NOTCH1: variants seen among roughly 807,000 people sequenced by gnomAD.
The protein encoded by NOTCH1 is notch receptor 1.
A neutral mutation model predicts 254.8 loss-of-function variants in NOTCH1; 37 were observed. The observed-to-expected ratio is 0.15, with a 90% CI of 0.11 to 0.19. The LOEUF is 0.19. Among genes scored for constraint, NOTCH1 ranks in the 10% least tolerant of loss-of-function variants. NOTCH1 has a pLI of 1.00. For missense variants in NOTCH1, 2,972 were observed against 3,708.6 expected (o/e 0.80, Z 5.16); for synonymous variants, 1,731 against 1,618.1 (o/e 1.07, Z -1.68).
chr9:136,502,955 C>T (rs756395252), intron 27 of NOTCH1: 3 of 704,814 alleles, frequency 4.3e-6, no homozygotes, highest in Non-Finnish European at 7.7e-6. Flanking sequence ...CAGGCACCCA[C>T]TTTCCCGTGG....
At position 136,506,296 on chromosome 9, in the gene NOTCH1, C is replaced by T. The variant is rs999739698; in HGVS notation, c.4014+231G>A. On this transcript the variant is annotated intron_variant, in intron 24 of 33. Transcript: ENST00000651671. The surrounding 1 kb of genome is among the most constrained non-coding windows in gnomAD (Gnocchi z 4.5). Reference sequence around the variant, plus strand: ...TGCAAGCTGCTAACCAGGGGAACTGCGTGCAGGGGACAGCCACCCCAGGGA... The same window carrying T: ...TGCAAGCTGCTAACCAGGGGAACTGTGTGCAGGGGACAGCCACCCCAGGGA... 3.3e-5 allele frequency among the ~76,000 whole-genome samples: 5 copies of T among 151,944 alleles called. No homozygotes were observed. The highest frequency in any genetic ancestry group is 2.6e-4 in the Admixed American group (4 of 15,258).
At chr9:136,530,650 G>A (rs1020011681) in intron 2 of NOTCH1, among the ~76,000 whole-genome samples, 4 of 152,350 alleles carry the variant, frequency 2.6e-5, no homozygotes, top group African/African-American at 7.2e-5. Flanking sequence ...GCTCCACTGC[G>A]GGAATTTCCC....
chr9:136,512,783 C>A (rs1450195595), intron 15 of NOTCH1, among the ~76,000 whole-genome samples: 1 of 152,198 alleles, frequency 6.6e-6, no homozygotes, highest in Non-Finnish European at 1.5e-5. Flanking sequence ...TCTGCCAACC[C>A]CACCCCCGGG....
At position 136,506,412 on chromosome 9, in the gene NOTCH1, G is replaced by A. The variant is rs1357383993; in HGVS notation, c.4014+115C>T. ...AAAAAAAAAAAGACATCAGGGTGAG[G>A]AGGAGGATGAAGGCCGGGAGGATCA... On this transcript the variant is annotated intron_variant, in intron 24 of 33. Transcript: ENST00000651671. The surrounding 1 kb of genome is among the most constrained non-coding windows in gnomAD (Gnocchi z 4.5). The A allele has an allele frequency of 1.0e-5, 8 of 763,284 alleles. No homozygotes were observed. The East Asian group carries it at 1.9e-4, about 18-fold the overall frequency. 47.3% of individuals were successfully genotyped at this position (763,284 alleles called of 1,614,324 possible).
intron 2 of NOTCH1, among the ~76,000 whole-genome samples, chr9:136,531,182 A>T (rs13290979): frequency 6.6e-6 from 1 of 152,088 alleles, no homozygotes; most frequent in Non-Finnish European, 1.5e-5. Context: ...CTGAGCCCAC[A>T]ACCCTCCTGG....
rs1271062929 is a variant in NOTCH1 at position 136,513,864 on chromosome 9, G to A, written c.2208-327C>T. ...TGCCTGTAATCTCAGCTACTCGGGA[G>A]GCTGAGGCAGGGGAATCACTTGAAC... On this transcript the variant is annotated intron_variant, in intron 13 of 33. Coordinates refer to ENST00000651671, the MANE Select transcript of NOTCH1 (RefSeq NM_017617.5). This position sits in a 1 kb window ranked among gnomAD's most constrained non-coding sequence, Gnocchi z 4.7. 6.6e-6 allele frequency among the ~76,000 whole-genome samples: 1 copy of A among 152,236 alleles called. No homozygotes were observed. The highest frequency in any genetic ancestry group is 1.5e-5 in the Non-Finnish European group (1 of 68,048).
intron 2 of NOTCH1, among the ~76,000 whole-genome samples, chr9:136,541,519 C>G (rs1231888212): frequency 6.6e-6 from 1 of 152,210 alleles, no homozygotes; most frequent in Non-Finnish European, 1.5e-5. Context: ...AGCCTGCACC[C>G]CAGACTCTTT....
intron 2 of NOTCH1, among the ~76,000 whole-genome samples, chr9:136,525,379 C>T (rs1193675739): frequency 2.0e-5 from 3 of 152,254 alleles, no homozygotes; most frequent in Non-Finnish European, 4.4e-5. Context: ...CAGTCACCTC[C>T]TGGCCTTGCG....
intron 10 of NOTCH1, 58 bp from the exon 11 acceptor site, chr9:136,515,774 C>T: frequency 2.0e-6 from 3 of 1,472,774 alleles, no homozygotes; most frequent in Middle Eastern, 2.4e-4. Flanking sequence ...CCCGGGACAC[C>T]CATGACCAGA....
At chr9:136,498,066 A>AG (rs563189925) in intron 33 of NOTCH1, among the ~76,000 whole-genome samples, 1 of 152,138 alleles carries the variant, frequency 6.6e-6, no homozygotes, top group East Asian at 1.9e-4. Flanking sequence ...GGGAGTGGGA[A>AG]GGGGCTTCCC....
intron 2 of NOTCH1, among the ~76,000 whole-genome samples, chr9:136,529,684 C>T (rs1347261565): frequency 6.6e-6 from 1 of 152,274 alleles, no homozygotes; most frequent in East Asian, 1.9e-4. Context: ...GTTCAAACAG[C>T]TGGCTGGAGC....
At position 136,515,728 on chromosome 9, in the gene NOTCH1, GA is replaced by G; in HGVS notation, c.1670-13del. 6.5e-7 allele frequency: 1 copy of G among 1,532,394 alleles called. No individual in the cohort carries two copies. The highest frequency in any genetic ancestry group is 8.7e-7 in the Non-Finnish European group (1 of 1,144,842). 94.9% of individuals were successfully genotyped at this position (1,532,394 alleles called of 1,614,324 possible). On this transcript the variant is annotated splice_polypyrimidine_tract_variant and intron_variant, in intron 10 of 33. Coordinates refer to ENST00000651671, the MANE Select transcript of NOTCH1 (RefSeq NM_017617.5). ...CGTCCCCGTGTACCCTGGACCGTGGGAGGGGCGGGCACAGGAAGACTTAGGA... is the reference window on the plus strand; with the variant it reads ...CGTCCCCGTGTACCCTGGACCGTGGGGGGGCGGGCACAGGAAGACTTAGGA...
intron 7 of NOTCH1, 50 bp from the exon 8 acceptor site, chr9:136,517,987 C>G (rs112799526): frequency 6.3e-7 from 1 of 1,596,574 alleles, no homozygotes; most frequent in Non-Finnish European, 8.5e-7. Context: ...CTGGCCCCTG[C>G]AACACCTCAC....
chr9:136,535,891 A>C (rs1323360398), intron 2 of NOTCH1, among the ~76,000 whole-genome samples: 1 of 64,482 alleles, frequency 1.6e-5, no homozygotes, highest in African/African-American at 7.7e-5. Flanking sequence ...GAGTGGGTGG[A>C]GGGGGGAGCA....
intron 9 of NOTCH1, 120 bp from the exon 10 acceptor site, chr9:136,516,214 G>T: frequency 1.4e-6 from 1 of 734,186 alleles, no homozygotes; most frequent in Non-Finnish European, 2.4e-6. Context: ...CACTCAGCCT[G>T]AGCTCAGCCA....
At chr9:136,527,082 G>A (rs1025696730) in intron 2 of NOTCH1, among the ~76,000 whole-genome samples, 3 of 152,266 alleles carry the variant, frequency 2.0e-5, no homozygotes, top group African/African-American at 7.2e-5. Flanking sequence ...TTTGAGCCAG[G>A]TGTGGGGGTC....
chr9:136,513,501 G>T lies in NOTCH1; in HGVS notation c.2244C>A (p.Thr748=), dbSNP rs1344101185. 1 of 1,613,154 alleles carries T rather than the reference G, an allele frequency of 6.2e-7. No homozygotes were observed. The highest frequency in any genetic ancestry group is 8.5e-7 in the Non-Finnish European group (1 of 1,179,968). The stretch of plus-strand genomic sequence containing the variant: ...ACTCATTGTTGTTGATGTCACAGTT[G>T]GTCCCACTCCACCCAGGGTCACAGT... ...KCDCDPGWSG[T]NCDINNNECE... Residue 748 remains threonine, a synonymous_variant, in exon 14 of 34, where the codon ACC becomes ACA. Transcript: ENST00000651671. The surrounding 1 kb of genome is among the most constrained non-coding windows in gnomAD (Gnocchi z 4.7).
At chr9:136,526,589 C>T (rs1843463936) in intron 2 of NOTCH1, among the ~76,000 whole-genome samples, 1 of 152,192 alleles carries the variant, frequency 6.6e-6, no homozygotes, top group South Asian at 2.1e-4. Context: ...GTCCGAGCCC[C>T]TAGAGCAGTC....
intron 4 of NOTCH1, chr9:136,522,491 C>T: frequency 7.1e-6 from 2 of 282,168 alleles, no homozygotes; most frequent in Admixed American, 9.9e-5. Context: ...GGTGCCCCCG[C>T]AGCTCCCACG....
Sources: allele counts gnomAD v4.1 joint callset (sites outside exome capture counted in the v4.1 genomes callset), GRCh38; gene constraint gnomAD v4.1.1; non-coding constraint Gnocchi (gnomAD v3.1); transcripts MANE v1.5; gene names NCBI Gene and HGNC (gene_info 2026-07-23, HGNC 2026-07-21).